The following SARDH variants were observed in gnomAD, a reference collection of about 807,000 sequenced individuals.
SARDH encodes sarcosine dehydrogenase, mitochondrial.
SARDH carries 95 observed loss-of-function variants against 109.1 expected under a neutral mutation model. That is an observed-to-expected ratio of 0.87 (90% CI 0.74 to 1.03). The LOEUF (loss-of-function observed/expected upper bound fraction) is 1.03. Among genes scored for constraint, SARDH ranks in the 50% least tolerant of loss-of-function variants. The pLI is 0.00. For synonymous variants in SARDH, 572 were observed against 534.8 expected (o/e 1.07, Z -0.96); for missense variants, 1,267 against 1,287.8 (o/e 0.98, Z 0.25).
intron 13 of SARDH, among the ~76,000 whole-genome samples, chr9:133,700,727 A>ACG (rs1831451992): frequency 1.6e-5 from 2 of 127,496 alleles, no homozygotes; most frequent in African/African-American, 3.0e-5. Flanking sequence ...ACACACACAC[A>ACG]CACGCACGCG....
rs1266512724 is a variant in SARDH, at chr9:133,712,937, A to C, written c.1237+101T>G. On this transcript the variant is annotated intron_variant, in intron 9 of 20. Coordinates refer to ENST00000439388, the MANE Select transcript of SARDH (RefSeq NM_001134707.2). This position sits in a 1 kb window ranked among gnomAD's most constrained non-coding sequence, Gnocchi z 4.1. ...CTCCCCAGCCTCTCCTGTCCCCACC[A>C]CTGTCGGGGGCCACGGTGCTCCTGC... is the stretch of plus-strand genomic sequence containing the variant. 6.6e-6 allele frequency: 8 copies of C among 1,220,494 alleles called. No individual in the cohort carries two copies. The highest frequency in any genetic ancestry group is 9.3e-6 in the Non-Finnish European group (8 of 857,308). The allele number at this position is 1,220,494 out of a possible 1,614,324, so 75.6% of individuals were successfully genotyped here.
At chr9:133,685,115 A>C in intron 17 of SARDH, 78 bp downstream of exon 17, 34 of 1,157,712 alleles carry the variant, frequency 2.9e-5, no homozygotes, top group Non-Finnish European at 3.6e-5. Flanking sequence ...GAGAGCCCCC[A>C]GCCCCCAGAT....
rs551677192 is a variant in SARDH, at chr9:133,719,075, C to T, written c.916-33G>A. The stretch of plus-strand genomic sequence containing the variant: ...GCAGAGAGAGAGGCCTTGGCATCAT[C>T]CAGAACTGGGTGGGGACTTGGTTCC... On this transcript the variant is annotated intron_variant, in intron 6 of 20. Coordinates refer to ENST00000439388, the MANE Select transcript of SARDH (RefSeq NM_001134707.2). The T allele has an allele frequency of 1.9e-3, 3,084 of 1,583,154 alleles. 51 individuals are homozygous for T. In the African/African-American group the frequency reaches 0.033, roughly 17 times the overall value.
intron 15 of SARDH, among the ~76,000 whole-genome samples, 164 bp from the exon 16 acceptor site, chr9:133,690,691 G>T (rs1291047087): frequency 6.6e-6 from 1 of 152,044 alleles, no homozygotes; most frequent in East Asian, 1.9e-4. Flanking sequence ...GGGTCCCCCA[G>T]GGCCACGCCT....
At position 133,704,270 on chromosome 9, in the gene SARDH, G is replaced by A. The variant is rs1831604175; in HGVS notation, c.1554+678C>T. On this transcript the variant is annotated intron_variant, in intron 12 of 20. Transcript: ENST00000439388. This position sits in a 1 kb window ranked among gnomAD's most constrained non-coding sequence, Gnocchi z 4.5. ...GGGGATGGAAGGTGGGTGCACCAGA[G>A]GGGACTGGTGAGACGCAGCCCCGGG... Among the ~76,000 whole-genome samples the A allele has an allele frequency of 6.6e-6, 1 of 152,154 alleles. No individual in the cohort carries two copies. The highest frequency in any genetic ancestry group is 2.4e-5 in the African/African-American group (1 of 41,434).
At chr9:133,738,958 GC>G (rs1832973916), upstream of SARDH, among the ~76,000 whole-genome samples, 2 of 152,214 alleles carry the variant, frequency 1.3e-5, no homozygotes, top group South Asian at 4.1e-4. Context: ...ACAGCACGTA[GC>G]CCCCAGGGCA....
chr9:133,704,334 A>G lies in SARDH; in HGVS notation c.1554+614T>C, dbSNP rs1588425639. On this transcript the variant is annotated intron_variant, in intron 12 of 20. Coordinates refer to ENST00000439388, the MANE Select transcript of SARDH (RefSeq NM_001134707.2). This position sits in a 1 kb window ranked among gnomAD's most constrained non-coding sequence, Gnocchi z 4.5. The stretch of plus-strand genomic sequence containing the variant: ...TTTCTGTAAATCTGGATCAAATGCT[A>G]CCCCTCAGCTGGCCTTAAGGCCTCG... Among the ~76,000 whole-genome samples, 1 of 152,032 alleles carries G rather than the reference A, an allele frequency of 6.6e-6. No homozygotes were observed. Among genetic ancestry groups the G allele is most frequent in the Non-Finnish European group, 1.5e-5 (1 of 67,994 alleles).
chr9:133,688,160 G>A (rs1375907417), intron 16 of SARDH, among the ~76,000 whole-genome samples: 1 of 152,002 alleles, frequency 6.6e-6, no homozygotes, highest in Non-Finnish European at 1.5e-5. Context: ...CTCTACCCCA[G>A]AGATGCGGAG....
Position 133,704,015 on chromosome 9 carries a change from C to T in SARDH, c.1554+933G>A, listed in dbSNP as rs1831592909. Reference sequence around the variant, plus strand: ...GGACAGGGGAGAGGGGCTTCCAGGGCCAGATCTGACTGGAACACAGTGGGT... The same window carrying T: ...GGACAGGGGAGAGGGGCTTCCAGGGTCAGATCTGACTGGAACACAGTGGGT... On this transcript the variant is annotated intron_variant, in intron 12 of 20. Transcript: ENST00000439388. This position sits in a 1 kb window ranked among gnomAD's most constrained non-coding sequence, Gnocchi z 4.5. Among the ~76,000 whole-genome samples the T allele has an allele frequency of 6.6e-6, 1 of 152,104 alleles. No individual in the cohort carries two copies. Among genetic ancestry groups the T allele is most frequent in the African/African-American group, 2.4e-5 (1 of 41,418 alleles).
chr9:133,667,718 G>A (rs1024579058), intron 19 of SARDH, among the ~76,000 whole-genome samples: 5 of 152,148 alleles, frequency 3.3e-5, no homozygotes, highest in African/African-American at 1.2e-4. Flanking sequence ...TGGAAGGGCT[G>A]GGGTGATGTT....
chr9:133,675,591 T>A (rs1031140152), intron 17 of SARDH, among the ~76,000 whole-genome samples: 2 of 152,108 alleles, frequency 1.3e-5, no homozygotes, highest in African/African-American at 2.4e-5. Flanking sequence ...TTAGTGGAAA[T>A]GGAAAATGGT....
rs190031246 is a variant in SARDH at position 133,718,691 on chromosome 9, C to T, written c.1020+247G>A. The T allele has an allele frequency of 9.0e-6, 7 of 779,668 alleles. 1 individual carries two copies. Among genetic ancestry groups the T allele is most frequent in the East Asian group, 7.3e-5 (3 of 41,190 alleles). 48.3% of individuals were successfully genotyped at this position (779,668 alleles called of 1,614,324 possible). A position where few individuals can be genotyped will look rare whatever the true frequency, so the allele number is the denominator to read the frequency against. On this transcript the variant is annotated intron_variant, in intron 7 of 20. Transcript: ENST00000439388. The surrounding 1 kb of genome is among the most constrained non-coding windows in gnomAD (Gnocchi z 4.2). ...CTTCTGAGGTCATCACTCCACACTG[C>T]GCAGACCTTCTCTGTGGATGTTTTG... is the stretch of plus-strand genomic sequence containing the variant.
In SARDH at chr9:133,671,650, C is replaced by T; in HGVS notation, c.2211G>A (p.Leu737=). Residue 737 remains leucine, a synonymous_variant, in exon 18 of 21, where the codon CTG becomes CTA. Transcript: ENST00000439388. ...LSFVGELGWE[L]HIPKASCVPV... Reference sequence around the variant, plus strand: ...GCACGCAGGACGCCTTTGGAATGTGCAGCTCCCAGCCCAGCTCCCCCACAA... The same window carrying T: ...GCACGCAGGACGCCTTTGGAATGTGTAGCTCCCAGCCCAGCTCCCCCACAA... 3.1e-6 allele frequency: 5 copies of T among 1,593,476 alleles called. No individual in the cohort carries two copies. Among genetic ancestry groups the T allele is most frequent in the South Asian group, 2.3e-5 (2 of 88,054 alleles).
chr9:133,712,285 C>T lies in SARDH; in HGVS notation c.1328+334G>A, dbSNP rs142815998. 3.1e-4 allele frequency among the ~76,000 whole-genome samples: 47 copies of T among 152,268 alleles called. No individual in the cohort carries two copies. Among genetic ancestry groups the T allele is most frequent in the African/African-American group, 1.1e-3 (45 of 41,568 alleles). ...TACACACTCAGCACAGTTTTCCCAGCTCAGCCCCGCTCCCTCCTGCCCCCA... is the reference window on the plus strand; with the variant it reads ...TACACACTCAGCACAGTTTTCCCAGTTCAGCCCCGCTCCCTCCTGCCCCCA... On this transcript the variant is annotated intron_variant, in intron 10 of 20. Coordinates refer to ENST00000439388, the MANE Select transcript of SARDH (RefSeq NM_001134707.2). This position sits in a 1 kb window ranked among gnomAD's most constrained non-coding sequence, Gnocchi z 4.1.
chr9:133,670,815 C>T (rs571252866), intron 18 of SARDH, 63 bp from the exon 19 acceptor site: 436 of 1,476,748 alleles, frequency 3.0e-4, no homozygotes, highest in Non-Finnish European at 3.4e-4. Context: ...TCAGGAGATG[C>T]ATGAGGATGC....
Position 133,670,771 on chromosome 9 carries a change from T to TG in SARDH, c.2327-20dup. 1 of 1,552,856 alleles carries TG rather than the reference T, an allele frequency of 6.4e-7. No homozygotes were observed. The highest frequency in any genetic ancestry group is 8.7e-7 in the Non-Finnish European group (1 of 1,151,610). On this transcript the variant is annotated intron_variant, in intron 18 of 20. Coordinates refer to ENST00000439388, the MANE Select transcript of SARDH (RefSeq NM_001134707.2). ...CGGTAGCCTGTGGGAAGGGAATCCA[T>TG]GGGGTCGGTGCCACCCTGAGGGGGA...
intron 15 of SARDH, 137 bp from the exon 16 acceptor site, chr9:133,690,664 C>G: frequency 7.2e-6 from 7 of 972,048 alleles, no homozygotes; most frequent in Non-Finnish European, 1.1e-5. Context: ...GCCCAGGAAC[C>G]GTATCTGTCC....
At chr9:133,662,720 C>CTG (rs928023501), downstream of SARDH, among the ~76,000 whole-genome samples, 14 of 152,220 alleles carry the variant, frequency 9.2e-5, no homozygotes, top group Non-Finnish European at 2.1e-4. The surrounding 1 kb of genome is among the most constrained non-coding windows in gnomAD (Gnocchi z 5.1). Context: ...TCGCTGTTTG[C>CTG]TGTGTGTGTG....
At chr9:133,680,921 A>G (rs991790759) in intron 17 of SARDH, among the ~76,000 whole-genome samples, 1 of 152,216 alleles carries the variant, frequency 6.6e-6, no homozygotes, top group Admixed American at 6.5e-5. Flanking sequence ...GGTTAGCCCC[A>G]GCTCACCCCC....
Sources: gnomAD v4.1 joint callset for allele counts (sites outside exome capture counted in the v4.1 genomes callset) on GRCh38, gnomAD v4.1.1 for gene constraint, Gnocchi (gnomAD v3.1) non-coding constraint, MANE v1.5 for transcripts, NCBI Gene and HGNC (gene_info 2026-07-23, HGNC 2026-07-21) for gene names.